PPP2R2B: variants seen among roughly 807,000 people sequenced by gnomAD.
PPP2R2B encodes the protein serine/threonine-protein phosphatase 2A 55 kDa regulatory subunit B beta isoform.
In PPP2R2B, 5 loss-of-function variants were observed where a neutral mutation model predicts 46.0. The observed-to-expected ratio is 0.11, with a 90% CI of 0.06 to 0.23. The LOEUF (loss-of-function observed/expected upper bound fraction) is 0.23, where lower values mean the gene tolerates loss of function less well. Among genes scored for constraint, PPP2R2B ranks in the 10% least tolerant of loss-of-function variants. The pLI, the probability that PPP2R2B is intolerant of heterozygous loss-of-function variation, is 1.00. For missense variants in PPP2R2B, 367 were observed against 575.0 expected (o/e 0.64, Z 3.70); for synonymous variants, 215 against 206.7 (o/e 1.04, Z -0.34).
At chr5:146,928,270 T>TTA (rs748681580) in intron 1 of PPP2R2B, among the ~76,000 whole-genome samples, 7 of 151,952 alleles carry the variant, frequency 4.6e-5, no homozygotes, top group Non-Finnish European at 1.0e-4. Context: ...CTTTTTAGGT[T>TTA]TATATATATA....
At chr5:146,627,810 C>A (rs1774160378) in intron 7 of PPP2R2B, among the ~76,000 whole-genome samples, 1 of 152,158 alleles carries the variant, frequency 6.6e-6, no homozygotes, top group Non-Finnish European at 1.5e-5. Flanking sequence ...ATAGTACCCT[C>A]CCCCTCTACT....
chr5:146,901,973 G>A (rs531392882), intron 1 of PPP2R2B, among the ~76,000 whole-genome samples: 10 of 152,248 alleles, frequency 6.6e-5, no homozygotes, highest in African/African-American at 1.9e-4. Flanking sequence ...AATTCACGGG[G>A]CCTGTAGGCT....
At chr5:146,909,292 G>C (rs368737531) in intron 1 of PPP2R2B, among the ~76,000 whole-genome samples, 1 of 152,184 alleles carries the variant, frequency 6.6e-6, no homozygotes, top group African/African-American at 2.4e-5. Context: ...TCAGTAAGTA[G>C]AGCAGTTCTT....
intron 1 of PPP2R2B, among the ~76,000 whole-genome samples, chr5:146,887,710 C>T (rs1355767845): frequency 6.6e-6 from 1 of 152,198 alleles, no homozygotes; most frequent in Non-Finnish European, 1.5e-5. Flanking sequence ...AACATGTATA[C>T]CTTCAATTCC....
In PPP2R2B at chr5:146,742,121, G is replaced by A. The variant is rs189577007; in HGVS notation, c.71-40979C>T. On this transcript the variant is annotated intron_variant, in intron 2 of 9. Transcript: ENST00000394411. Reference sequence around the variant, plus strand: ...TGTATGTGTCAGAAAAAAATGTTTTGAAGAATTACTGGCTAACCATCTCAA... The same window carrying A: ...TGTATGTGTCAGAAAAAAATGTTTTAAAGAATTACTGGCTAACCATCTCAA... Among the ~76,000 whole-genome samples the A allele has an allele frequency of 2.7e-4, 41 of 152,276 alleles. 1 individual carries two copies. In the Middle Eastern group the frequency reaches 0.014, roughly 51 times the overall value.
intron 1 of PPP2R2B, among the ~76,000 whole-genome samples, chr5:146,945,586 T>C (rs986071322): frequency 3.9e-5 from 6 of 152,192 alleles, no homozygotes; most frequent in East Asian, 1.9e-4. Context: ...CTATAGCAGC[T>C]GCTGATGATG....
chr5:146,734,326 G>A (rs1377318247), intron 2 of PPP2R2B, among the ~76,000 whole-genome samples: 1 of 152,040 alleles, frequency 6.6e-6, no homozygotes, highest in East Asian at 1.9e-4. Context: ...CAATCTGCTG[G>A]GATTACAGGT....
intron 1 of PPP2R2B, among the ~76,000 whole-genome samples, chr5:147,006,730 C>A (rs1754456744): frequency 6.6e-6 from 1 of 152,150 alleles, no homozygotes; most frequent in African/African-American, 2.4e-5. Flanking sequence ...AGGCCTAGTC[C>A]TCCTCACTGC....
intron 2 of PPP2R2B, among the ~76,000 whole-genome samples, chr5:146,718,763 C>A (rs1297875234): frequency 6.6e-6 from 1 of 152,140 alleles, no homozygotes; most frequent in African/African-American, 2.4e-5. Flanking sequence ...GAAGTCTGAC[C>A]CAGTGAACTA....
In PPP2R2B at chr5:146,641,503, A is replaced by ATT. The variant is rs61445378; in HGVS notation, c.626-3090_626-3089dup. Among the ~76,000 whole-genome samples the ATT allele has an allele frequency of 6.2e-4, 80 of 128,574 alleles. 1 individual carries two copies. The highest frequency in any genetic ancestry group is 2.2e-3 in the African/African-American group (70 of 31,662). 84.3% of individuals were successfully genotyped at this position (128,574 alleles called of 152,430 possible). ...AATCAGAATTTTTATGTGCTCTAAG[A>ATT]TTTTTTTTTTTTTTTTTTTTTTTTT... On this transcript the variant is annotated intron_variant, in intron 6 of 9. Coordinates refer to ENST00000394411, the MANE Select transcript of PPP2R2B (RefSeq NM_181675.4).
intron 1 of PPP2R2B, among the ~76,000 whole-genome samples, chr5:146,996,706 A>G (rs935964727): frequency 6.6e-6 from 1 of 152,156 alleles, no homozygotes; most frequent in Admixed American, 6.5e-5. Context: ...ATAAGTCACT[A>G]TGGTACCTGG....
At chr5:146,629,698 C>T (rs957746211) in intron 7 of PPP2R2B, among the ~76,000 whole-genome samples, 3 of 151,910 alleles carry the variant, frequency 2.0e-5, no homozygotes, top group African/African-American at 7.3e-5. Context: ...GCTTCACTTT[C>T]CTTTTCCCCT....
intron 2 of PPP2R2B, among the ~76,000 whole-genome samples, chr5:146,801,258 A>T (rs534207935): frequency 6.6e-6 from 1 of 152,226 alleles, no homozygotes; most frequent in Non-Finnish European, 1.5e-5. Context: ...GATGTACAGC[A>T]ATGTGACTAT....
chr5:146,952,943 A>G (rs919250990), intron 1 of PPP2R2B, among the ~76,000 whole-genome samples: 10 of 152,180 alleles, frequency 6.6e-5, no homozygotes, highest in Non-Finnish European at 1.5e-4. Flanking sequence ...TAGGGGACTA[A>G]AATCATAGTA....
At chr5:146,917,241 GC>G (rs1001513952) in intron 1 of PPP2R2B, among the ~76,000 whole-genome samples, 5 of 152,186 alleles carry the variant, frequency 3.3e-5, no homozygotes, top group African/African-American at 1.2e-4. Flanking sequence ...GCCTGCACAG[GC>G]TGTCTTTGCT....
intron 9 of PPP2R2B, chr5:146,592,177 G>A: frequency 2.3e-6 from 1 of 442,012 alleles, no homozygotes; most frequent in Non-Finnish European, 4.5e-6. Flanking sequence ...TTTGCCACGT[G>A]GAGACTCCTT....
At position 146,755,403 on chromosome 5, in the gene PPP2R2B, T is replaced by C. The variant is rs1753779012; in HGVS notation, c.71-54261A>G. Reference sequence around the variant, plus strand: ...CAAACTCATTTAATAATAAACAAGGTTATCAGCGGAGCTCTCCAACCTACT... The same window carrying C: ...CAAACTCATTTAATAATAAACAAGGCTATCAGCGGAGCTCTCCAACCTACT... On this transcript the variant is annotated intron_variant, in intron 2 of 9. Coordinates refer to ENST00000394411, the MANE Select transcript of PPP2R2B (RefSeq NM_181675.4). Among the ~76,000 whole-genome samples the C allele has an allele frequency of 2.6e-5, 4 of 152,226 alleles. No individual in the cohort carries two copies. The South Asian group carries it at 8.3e-4, about 31-fold the overall frequency.
Position 146,657,350 on chromosome 5 carries a change from G to C in PPP2R2B, c.448-6626C>G, listed in dbSNP as rs1019524904. ...AGAAGAGAGAAGAGATGGCCAGATA[G>C]GAGATAAAGAACAGAAAAGATGAAG... On this transcript the variant is annotated intron_variant, in intron 5 of 9. Transcript: ENST00000394411. Among the ~76,000 whole-genome samples the C allele has an allele frequency of 8.5e-5, 13 of 152,156 alleles. 1 individual carries two copies. The highest frequency in any genetic ancestry group is 6.5e-5 in the Admixed American group (1 of 15,278).
At chr5:147,000,167 T>G (rs1754103503) in intron 1 of PPP2R2B, among the ~76,000 whole-genome samples, 1 of 152,192 alleles carries the variant, frequency 6.6e-6, no homozygotes, top group Admixed American at 6.5e-5. Flanking sequence ...TATCACAAAC[T>G]TTTGCATTAC....
Sources: allele counts gnomAD v4.1 joint callset (sites outside exome capture counted in the v4.1 genomes callset), GRCh38; gene constraint gnomAD v4.1.1; transcripts MANE v1.5; gene names NCBI Gene and HGNC (gene_info 2026-07-23, HGNC 2026-07-21).